The following RHOBTB1 variants were observed in gnomAD, a reference collection of about 807,000 sequenced individuals.
RHOBTB1 encodes the protein rho-related BTB domain-containing protein 1.
A neutral mutation model predicts 71.6 loss-of-function variants in RHOBTB1; 40 were observed. That is an observed-to-expected ratio of 0.56 (90% CI 0.43 to 0.73). RHOBTB1 has a LOEUF of 0.73. Ranked by LOEUF, RHOBTB1 falls within the 30% of genes least tolerant of loss-of-function variation. The probability of loss-of-function intolerance (pLI) is 0.00; values close to 1 mark genes in which losing one functional copy is unlikely to be tolerated. For synonymous variants in RHOBTB1, 319 were observed against 334.9 expected (o/e 0.95, Z 0.52); for missense variants, 797 against 894.0 (o/e 0.89, Z 1.38).
At chr10:60,922,658 G>C (rs2083634143) in intron 2 of RHOBTB1, among the ~76,000 whole-genome samples, 1 of 152,228 alleles carries the variant, frequency 6.6e-6, no homozygotes, top group South Asian at 2.1e-4. Flanking sequence ...AGAGAGAAGG[G>C]TGGAGGAAGA....
chr10:60,939,533 C>G (rs1427363529), intron 2 of RHOBTB1, among the ~76,000 whole-genome samples: 1 of 152,148 alleles, frequency 6.6e-6, no homozygotes, highest in Non-Finnish European at 1.5e-5. Context: ...ATCTCCTACC[C>G]TTGTCTACAC....
intron 5 of RHOBTB1, among the ~76,000 whole-genome samples, chr10:60,891,465 C>T (rs553441281): frequency 7.3e-5 from 11 of 150,586 alleles, no homozygotes; most frequent in Admixed American, 2.0e-4. Context: ...CTCAGCCTCT[C>T]AAGTAGCTGA....
chr10:60,926,184 C>A (rs891424384), intron 2 of RHOBTB1, among the ~76,000 whole-genome samples: 2 of 152,146 alleles, frequency 1.3e-5, no homozygotes, highest in African/African-American at 4.8e-5. Context: ...TTGCAGTAAG[C>A]TGAGATCGCA....
intron 8 of RHOBTB1, among the ~76,000 whole-genome samples, chr10:60,877,575 T>C (rs1338721849): frequency 6.6e-6 from 1 of 152,206 alleles, no homozygotes; most frequent in Non-Finnish European, 1.5e-5. Context: ...ATTATGGAGA[T>C]AATGTTGACA....
chr10:60,945,566 C>G (rs1213390859), upstream of RHOBTB1, among the ~76,000 whole-genome samples: 2 of 152,160 alleles, frequency 1.3e-5, no homozygotes, highest in African/African-American at 4.8e-5. Context: ...ACCCTCCAGC[C>G]AAGATTCCCA....
At chr10:60,906,823 C>A (rs1173170593) in intron 4 of RHOBTB1, among the ~76,000 whole-genome samples, 2 of 152,134 alleles carry the variant, frequency 1.3e-5, no homozygotes, top group Non-Finnish European at 1.5e-5. Flanking sequence ...ACAATAAAAT[C>A]TGCAATTATT....
chr10:60,886,721 G>C (rs572873147), intron 6 of RHOBTB1, among the ~76,000 whole-genome samples: 17 of 141,496 alleles, frequency 1.2e-4, no homozygotes, highest in Non-Finnish European at 2.3e-4. Context: ...GAGATGTGGG[G>C]GGGGGTGGGT....
At chr10:60,998,246 G>C (rs1565222750) in intron 1 of RHOBTB1, among the ~76,000 whole-genome samples, 1 of 152,158 alleles carries the variant, frequency 6.6e-6, no homozygotes, top group Non-Finnish European at 1.5e-5. Flanking sequence ...TCCCAAGGAA[G>C]GGACAATATA....
intron 2 of RHOBTB1, among the ~76,000 whole-genome samples, chr10:60,952,063 C>T (rs1219099047): frequency 1.3e-5 from 2 of 151,022 alleles, no homozygotes; most frequent in Non-Finnish European, 3.0e-5. Context: ...GTCACAGCCC[C>T]CCACCCCCCC....
At chr10:60,891,388 T>A (rs1161597508) in intron 5 of RHOBTB1, among the ~76,000 whole-genome samples, 1 of 139,802 alleles carries the variant, frequency 7.2e-6, no homozygotes, top group Admixed American at 7.8e-5. Context: ...TCACCTAGGC[T>A]GGAGTGAAGT....
At chr10:60,985,638 A>C (rs2086638102) in intron 2 of RHOBTB1, among the ~76,000 whole-genome samples, 1 of 152,242 alleles carries the variant, frequency 6.6e-6, no homozygotes, top group Non-Finnish European at 1.5e-5. Flanking sequence ...ATTCTAAACC[A>C]GATAAAATAT....
intron 2 of RHOBTB1, among the ~76,000 whole-genome samples, chr10:60,953,901 T>C (rs1398969456): frequency 2.6e-5 from 4 of 152,200 alleles, no homozygotes; most frequent in Non-Finnish European, 5.9e-5. Flanking sequence ...GACTGAGATA[T>C]TGGGAGATGG....
At chr10:60,933,975 G>C (rs2084415337) in intron 2 of RHOBTB1, among the ~76,000 whole-genome samples, 1 of 152,008 alleles carries the variant, frequency 6.6e-6, no homozygotes, top group Non-Finnish European at 1.5e-5. Flanking sequence ...AAATATTAAT[G>C]CCAACAACTT....
intron 2 of RHOBTB1, among the ~76,000 whole-genome samples, chr10:60,961,016 T>G (rs2085758649): frequency 6.6e-6 from 1 of 152,142 alleles, no homozygotes; most frequent in Admixed American, 6.5e-5. Context: ...CTATCTGTAC[T>G]GTACTCAGAG....
intron 2 of RHOBTB1, among the ~76,000 whole-genome samples, chr10:60,959,195 C>T (rs2085698638): frequency 6.6e-6 from 1 of 152,146 alleles, no homozygotes; most frequent in Non-Finnish European, 1.5e-5. Flanking sequence ...AAACTCTTAT[C>T]TGAGTGTTTA....
At chr10:60,920,719 G>C (rs557485000) in intron 2 of RHOBTB1, among the ~76,000 whole-genome samples, 1 of 151,366 alleles carries the variant, frequency 6.6e-6, no homozygotes, top group African/African-American at 2.4e-5. Context: ...GCACAATCTC[G>C]GCTCACTGCA....
chr10:60,949,894 GAAAA>G (rs2085355775), intron 2 of RHOBTB1, among the ~76,000 whole-genome samples: 2 of 152,108 alleles, frequency 1.3e-5, no homozygotes, highest in Admixed American at 1.3e-4. Context: ...GCTATGTACT[GAAAA>G]TAGACCAAAA....
Position 60,929,758 on chromosome 10 carries a change from C to T in RHOBTB1, c.-11+12046G>A, listed in dbSNP as rs113141507. 5.9e-3 allele frequency among the ~76,000 whole-genome samples: 900 copies of T among 152,120 alleles called. 5 individuals are homozygous for T. The highest frequency in any genetic ancestry group is 0.021 in the African/African-American group (872 of 41,536). ...CTTTTTAAGTATAAGGAGAAATTCA[C>T]AACAATAACAAATATATGGAACAAA... On this transcript the variant is annotated intron_variant, in intron 2 of 10. Transcript: ENST00000337910.
intron 1 of RHOBTB1, among the ~76,000 whole-genome samples, chr10:60,990,699 T>C (rs2086834300): frequency 6.6e-6 from 1 of 152,194 alleles, no homozygotes; most frequent in South Asian, 2.1e-4. Context: ...CTCTGTGGGC[T>C]CATCTTTCAC....
Sources: gnomAD v4.1 joint callset for allele counts (sites outside exome capture counted in the v4.1 genomes callset) on GRCh38, gnomAD v4.1.1 for gene constraint, MANE v1.5 for transcripts, NCBI Gene and HGNC (gene_info 2026-07-23, HGNC 2026-07-21) for gene names.